The following BMPR1B variants were observed in gnomAD, a reference collection of about 807,000 sequenced individuals.
BMPR1B encodes the protein bone morphogenetic protein receptor type-1B.
Under a neutral mutation model 59.1 loss-of-function variants are expected in BMPR1B, and 12 were observed. That is an observed-to-expected ratio of 0.20 (90% confidence interval 0.13 to 0.33). The LOEUF (loss-of-function observed/expected upper bound fraction) is 0.33. Ranked by LOEUF, BMPR1B falls within the 10% of genes least tolerant of loss-of-function variation. The pLI, the probability that BMPR1B is intolerant of heterozygous loss-of-function variation, is 1.00. For missense variants in BMPR1B, 550 were observed against 610.9 expected, an observed-to-expected ratio of 0.90 and a Z score of 1.05; for synonymous variants, 237 against 207.3, an observed-to-expected ratio of 1.14 and a Z score of -1.23.
rs1728097323 is a variant in BMPR1B, at chr4:94,907,623, G to C, written c.-113+31723G>C. ...AAGCCCTTACCAGAACCTCTAGGTAGAGTTAGAGGCTAACTCCACGGCACC... is the reference window on the plus strand; with the variant it reads ...AAGCCCTTACCAGAACCTCTAGGTACAGTTAGAGGCTAACTCCACGGCACC... On this transcript the variant is annotated intron_variant, in intron 2 of 12. Coordinates refer to ENST00000515059, the MANE Select transcript of BMPR1B (RefSeq NM_001203.3). Among the ~76,000 whole-genome samples, 3 of 151,964 alleles carry C rather than the reference G, an allele frequency of 2.0e-5. No homozygotes were observed. In the South Asian group the frequency reaches 6.2e-4, roughly 32 times the overall value.
chr4:94,781,178 A>G (rs369710582), intron 1 of BMPR1B, among the ~76,000 whole-genome samples: 100 of 152,236 alleles, frequency 6.6e-4, no homozygotes, highest in South Asian at 3.9e-3. Flanking sequence ...TGAGTTATTT[A>G]TCTTTTTGTT....
At chr4:95,146,617 T>C (rs1180560699) in intron 10 of BMPR1B, among the ~76,000 whole-genome samples, 2 of 152,226 alleles carry the variant, frequency 1.3e-5, no homozygotes, top group African/African-American at 4.8e-5. Context: ...TGGAATACAG[T>C]GGAGGTCTTT....
At chr4:94,932,649 T>A (rs933505852) in intron 2 of BMPR1B, among the ~76,000 whole-genome samples, 2 of 152,132 alleles carry the variant, frequency 1.3e-5, no homozygotes, top group Admixed American at 1.3e-4. Flanking sequence ...ACCCCTTTTT[T>A]GGCCTTAGAG....
At chr4:94,848,767 T>C (rs13103529) in intron 1 of BMPR1B, among the ~76,000 whole-genome samples, 93,055 of 151,812 alleles carry the variant, frequency 0.61, 29,513 homozygotes, top group African/African-American at 0.78. Context: ...CCAGGTGGGC[T>C]AGAATGGCAG....
chr4:95,021,693 C>A (rs905212341), intron 3 of BMPR1B, among the ~76,000 whole-genome samples: 1 of 152,092 alleles, frequency 6.6e-6, no homozygotes, highest in African/African-American at 2.4e-5. Flanking sequence ...TTTATACATA[C>A]AAAATATGCA....
chr4:94,874,430 TCTC>T (rs1400584945), intron 1 of BMPR1B, among the ~76,000 whole-genome samples: 1 of 152,200 alleles, frequency 6.6e-6, no homozygotes, highest in Non-Finnish European at 1.5e-5. Context: ...CTCTCAGTCT[TCTC>T]CTTTAAGCTT....
chr4:95,110,188 T>G (rs1731529876), intron 4 of BMPR1B, among the ~76,000 whole-genome samples: 1 of 151,798 alleles, frequency 6.6e-6, no homozygotes. Flanking sequence ...TGGAATGGAT[T>G]AGAGTTAGGA....
At chr4:94,919,629 C>G (rs532105064) in intron 2 of BMPR1B, among the ~76,000 whole-genome samples, 1 of 152,184 alleles carries the variant, frequency 6.6e-6, no homozygotes, top group East Asian at 1.9e-4. Flanking sequence ...CTGCATCTGT[C>G]TTTTCTTCTC....
At chr4:94,794,482 G>A (rs1362983412) in intron 1 of BMPR1B, among the ~76,000 whole-genome samples, 1 of 140,568 alleles carries the variant, frequency 7.1e-6, no homozygotes, top group Non-Finnish European at 1.5e-5. Flanking sequence ...TTTTGGCTTA[G>A]GATTGACTTG....
intron 1 of BMPR1B, among the ~76,000 whole-genome samples, chr4:94,863,329 ATAAAAGT>A (rs1446022520): frequency 6.7e-6 from 1 of 149,104 alleles, no homozygotes; most frequent in African/African-American, 2.5e-5. Flanking sequence ...TGAAACTAAA[ATAAAAGT>A]TAAAAGGAAG....
chr4:95,022,424 T>A (rs1048712732), intron 3 of BMPR1B, among the ~76,000 whole-genome samples: 1 of 152,214 alleles, frequency 6.6e-6, no homozygotes, highest in East Asian at 1.9e-4. Context: ...AGTGTGTGCT[T>A]CTTTTTGAAT....
At chr4:95,044,262 A>G (rs1055736424) in intron 3 of BMPR1B, among the ~76,000 whole-genome samples, 3 of 152,154 alleles carry the variant, frequency 2.0e-5, no homozygotes, top group Non-Finnish European at 2.9e-5. Context: ...GGTCTCCCCA[A>G]ATATATTGTG....
intron 3 of BMPR1B, among the ~76,000 whole-genome samples, chr4:95,005,476 T>A (rs924550420): frequency 5.9e-5 from 9 of 152,140 alleles, no homozygotes; most frequent in Admixed American, 5.9e-4. Flanking sequence ...ACAAACAGGC[T>A]GACGTACTAT....
Position 94,866,857 on chromosome 4 carries a change from C to T in BMPR1B, c.-182-8974C>T, listed in dbSNP as rs2051786. ...TTGGCCTCCCAAAGTGCTGGGATTA[C>T]AGGCGTGAGCCACTGTGTCCAGCCT... On this transcript the variant is annotated intron_variant, in intron 1 of 12. Coordinates refer to ENST00000515059, the MANE Select transcript of BMPR1B (RefSeq NM_001203.3). 2.0e-5 allele frequency among the ~76,000 whole-genome samples: 3 copies of T among 152,206 alleles called. No individual in the cohort carries two copies. In the East Asian group the frequency reaches 5.8e-4, roughly 29 times the overall value.
At chr4:95,037,559 T>C (rs534373839) in intron 3 of BMPR1B, among the ~76,000 whole-genome samples, 33 of 152,274 alleles carry the variant, frequency 2.2e-4, no homozygotes, top group Non-Finnish European at 4.1e-4. Flanking sequence ...CAGTATTCTT[T>C]TAAATGAGTG....
chr4:94,767,162 AT>A (rs1284313378), intron 1 of BMPR1B, among the ~76,000 whole-genome samples: 1 of 152,180 alleles, frequency 6.6e-6, no homozygotes, highest in African/African-American at 2.4e-5. Flanking sequence ...GAATGAATTT[AT>A]ATAATGTTGA....
At chr4:95,018,729 A>G (rs1337461901) in intron 3 of BMPR1B, among the ~76,000 whole-genome samples, 1 of 152,188 alleles carries the variant, frequency 6.6e-6, no homozygotes, top group Non-Finnish European at 1.5e-5. Context: ...ATTTTTCAAA[A>G]CTGACAAACA....
chr4:94,801,676 C>T (rs977318909), intron 1 of BMPR1B, among the ~76,000 whole-genome samples: 1 of 152,148 alleles, frequency 6.6e-6, no homozygotes, highest in African/African-American at 2.4e-5. Flanking sequence ...GTCCAGGGTT[C>T]TGCAACTAAT....
chr4:95,118,298 C>T (rs1346477382), intron 6 of BMPR1B, among the ~76,000 whole-genome samples: 1 of 151,732 alleles, frequency 6.6e-6, no homozygotes, highest in African/African-American at 2.4e-5. Flanking sequence ...TTTTACATAG[C>T]TATACCACAG....
Sources: gnomAD v4.1 joint callset for allele counts (sites outside exome capture counted in the v4.1 genomes callset) on GRCh38, gnomAD v4.1.1 for gene constraint, MANE v1.5 for transcripts, NCBI Gene and HGNC (gene_info 2026-07-23, HGNC 2026-07-21) for gene names.